Variants in MARCHF7 observed in about 807,000 individuals in gnomAD.
MARCHF7 encodes E3 ubiquitin-protein ligase MARCHF7.
MARCHF7 carries 20 observed loss-of-function variants against 76.5 expected under a neutral mutation model. That is an observed-to-expected ratio of 0.26 (90% CI 0.18 to 0.38). The LOEUF is 0.38. Ranked by LOEUF, MARCHF7 falls within the 10% of genes least tolerant of loss-of-function variation. MARCHF7 has a pLI of 1.00. For synonymous variants in MARCHF7, 295 were observed against 293.0 expected (o/e 1.01, Z -0.07); for missense variants, 797 against 812.9 (o/e 0.98, Z 0.24).
At chr2:159,761,473 G>A (rs552473881) in intron 9 of MARCHF7, among the ~76,000 whole-genome samples, 1 of 125,058 alleles carries the variant, frequency 8.0e-6, no homozygotes, top group African/African-American at 3.2e-5. Flanking sequence ...GGAGTGCAAT[G>A]GCATGATCTC....
intron 4 of MARCHF7, among the ~76,000 whole-genome samples, chr2:159,740,758 G>A (rs756673869): frequency 3.3e-5 from 5 of 152,150 alleles, no homozygotes; most frequent in South Asian, 2.1e-4. Context: ...AAGGATGGGC[G>A]AATTCCTGAT....
At chr2:159,733,236 AT>A in intron 4 of MARCHF7, 5 of 869,844 alleles carry the variant, frequency 5.7e-6, no homozygotes, top group Non-Finnish European at 6.9e-6. Context: ...CAAAGGGAGC[AT>A]TTTAAAATTA....
intron 3 of MARCHF7, among the ~76,000 whole-genome samples, chr2:159,716,489 A>G (rs906023966): frequency 4.6e-5 from 7 of 152,064 alleles, no homozygotes; most frequent in Non-Finnish European, 7.4e-5. Context: ...TCTACTAAAA[A>G]AAATACAACA....
At chr2:159,721,355 GT>G (rs1427398921) in intron 3 of MARCHF7, among the ~76,000 whole-genome samples, 1 of 152,140 alleles carries the variant, frequency 6.6e-6, no homozygotes, top group Non-Finnish European at 1.5e-5. Flanking sequence ...AAGCCCACAG[GT>G]TTGTGAGATA....
Position 159,729,445 on chromosome 2 carries a change from C to T in MARCHF7, c.153+270C>T, listed in dbSNP as rs563099421. On this transcript the variant is annotated intron_variant, in intron 4 of 11. Coordinates refer to ENST00000409175, the MANE Select transcript of MARCHF7 (RefSeq NM_001282805.2). ...CAGCACTTTGGCAGGCTGAGACTGG[C>T]AGATCATTTGAGGTCAGGAGTTCGA... is the stretch of plus-strand genomic sequence containing the variant. Among the ~76,000 whole-genome samples, 6 of 152,220 alleles carry T rather than the reference C, an allele frequency of 3.9e-5. 1 individual carries two copies. In the East Asian group the frequency reaches 1.2e-3, roughly 29 times the overall value.
chr2:159,744,092 A>G (rs1333420063), intron 5 of MARCHF7, among the ~76,000 whole-genome samples: 3 of 135,170 alleles, frequency 2.2e-5, no homozygotes, highest in Non-Finnish European at 4.6e-5. Context: ...GGTTCACGCC[A>G]TTCTCCTGCC....
At position 159,767,873 on chromosome 2, in the gene MARCHF7, G is replaced by A. The variant is rs1270449073; in HGVS notation, c.*531G>A. Reference sequence around the variant, plus strand: ...GAATGGGGAGAAGGTTATGAGAAGAGCATTATTAAGTTTCCAAATTTAATT... The same window carrying A: ...GAATGGGGAGAAGGTTATGAGAAGAACATTATTAAGTTTCCAAATTTAATT... On this transcript the variant is annotated 3_prime_UTR_variant, in exon 12 of 12. Coordinates refer to ENST00000409175, the MANE Select transcript of MARCHF7 (RefSeq NM_001282805.2). 1 of 152,352 alleles carries A rather than the reference G, an allele frequency of 6.6e-6. No homozygotes were observed. The highest frequency in any genetic ancestry group is 1.5e-5 in the Non-Finnish European group (1 of 67,946). The allele number at this position is 152,352 out of a possible 1,614,324, so 9.4% of individuals were successfully genotyped here. A position where few individuals can be genotyped will look rare whatever the true frequency, so the allele number is the denominator to read the frequency against.
At chr2:159,739,970 A>G (rs982493562) in intron 4 of MARCHF7, among the ~76,000 whole-genome samples, 2 of 152,330 alleles carry the variant, frequency 1.3e-5, no homozygotes, top group Non-Finnish European at 2.9e-5. Flanking sequence ...GAAATTCATT[A>G]TCTAAATCTG....
At chr2:159,723,056 C>T (rs1264205628) in intron 3 of MARCHF7, among the ~76,000 whole-genome samples, 2 of 152,164 alleles carry the variant, frequency 1.3e-5, no homozygotes, top group African/African-American at 2.4e-5. Flanking sequence ...CCCAAAAATC[C>T]TCTGATTGCA....
intron 3 of MARCHF7, among the ~76,000 whole-genome samples, chr2:159,722,079 A>G (rs186438447): frequency 1.3e-3 from 200 of 152,326 alleles, no homozygotes; most frequent in African/African-American, 4.6e-3. Context: ...GTCTTGGTTT[A>G]AAACATTAAG....
intron 8 of MARCHF7, among the ~76,000 whole-genome samples, chr2:159,756,467 AC>A (rs1215577736): frequency 6.6e-6 from 1 of 151,890 alleles, no homozygotes; most frequent in Non-Finnish European, 1.5e-5. Flanking sequence ...CAGGTGGAGC[AC>A]CTGAGGTCAG....
chr2:159,769,434 G>C lies in MARCHF7; in HGVS notation c.*2092G>C, dbSNP rs1708061379. On this transcript the variant is annotated 3_prime_UTR_variant, in exon 12 of 12. Coordinates refer to ENST00000409175, the MANE Select transcript of MARCHF7 (RefSeq NM_001282805.2). Reference sequence around the variant, plus strand: ...AAGGTGGGTGGATCACTTGAGGTCAGGAGTTTGAGACCAGCCCAGTCAATA... The same window carrying C: ...AAGGTGGGTGGATCACTTGAGGTCACGAGTTTGAGACCAGCCCAGTCAATA... 1 of 152,240 alleles carries C rather than the reference G, an allele frequency of 6.6e-6. No homozygotes were observed. Among genetic ancestry groups the C allele is most frequent in the Non-Finnish European group, 1.5e-5 (1 of 68,078 alleles). 9.4% of individuals were successfully genotyped at this position (152,240 alleles called of 1,614,324 possible).
Position 159,743,194 on chromosome 2 carries a change from G to T in MARCHF7, c.287G>T (p.Cys96Phe), listed in dbSNP as rs1330855967. The change falls in exon 5 of 12, where the codon TGT becomes TTT. Residue 96 changes from cysteine to phenylalanine, a missense_variant. Cys to Phe is a radical substitution (Grantham distance 205, BLOSUM62 -2). Around this residue, in one of 3 missense-constraint regions of MARCHF7, gnomAD observed 643 missense variants for 631.5 expected, o/e 1.02. Coordinates refer to ENST00000409175, the MANE Select transcript of MARCHF7 (RefSeq NM_001282805.2). ...GATTCAAAAAGACCTAAACTTTCCTGTACAAACTGTACTACCTCAGCTGGG... is the reference window on the plus strand; with the variant it reads ...GATTCAAAAAGACCTAAACTTTCCTTTACAAACTGTACTACCTCAGCTGGG... ...DHDSKRPKLSCTNCTTSAGRN... is the reference protein window; with the variant it reads ...DHDSKRPKLSFTNCTTSAGRN... 1 of 1,614,072 alleles carries T rather than the reference G, an allele frequency of 6.2e-7. No homozygotes were observed. Among genetic ancestry groups the T allele is most frequent in the African/African-American group, 1.3e-5 (1 of 74,918 alleles).
intron 1 of MARCHF7, among the ~76,000 whole-genome samples, chr2:159,712,837 T>G: frequency 6.6e-6 from 1 of 152,226 alleles, no homozygotes; most frequent in East Asian, 1.9e-4. Flanking sequence ...AGCGCAGGCC[T>G]CCCTTGCCAG....
chr2:159,726,677 A>G (rs760702089), intron 3 of MARCHF7, among the ~76,000 whole-genome samples: 3 of 152,160 alleles, frequency 2.0e-5, no homozygotes, highest in African/African-American at 7.2e-5. Flanking sequence ...CATCTTAACC[A>G]TGTTTGTGTA....
intron 4 of MARCHF7, among the ~76,000 whole-genome samples, chr2:159,738,702 G>A (rs891427658): frequency 1.3e-5 from 2 of 152,202 alleles, no homozygotes; most frequent in Non-Finnish European, 2.9e-5. Flanking sequence ...GGAAGTGCAT[G>A]CTGATTGGTC....
chr2:159,760,708 C>CT (rs34933843), intron 9 of MARCHF7, among the ~76,000 whole-genome samples: 61,348 of 147,178 alleles, frequency 0.42, 12,831 homozygotes, highest in South Asian at 0.53. Flanking sequence ...CAGTTTTTTC[C>CT]TTTTTTGTTT....
At position 159,724,354 on chromosome 2, in the gene MARCHF7, T is replaced by A. The variant is rs190108488; in HGVS notation, c.-14-4655T>A. Among the ~76,000 whole-genome samples the A allele has an allele frequency of 3.5e-3, 534 of 152,306 alleles. 4 individuals are homozygous for A. The highest frequency in any genetic ancestry group is 0.012 in the African/African-American group (495 of 41,566). On this transcript the variant is annotated intron_variant, in intron 3 of 11. Coordinates refer to ENST00000409175, the MANE Select transcript of MARCHF7 (RefSeq NM_001282805.2). ...CAAGATGGTATATTGTGCTTAGTGT[T>A]GGTCTTTTTTCTTTGATGCTCTTAT... is the stretch of plus-strand genomic sequence containing the variant.
chr2:159,764,255 T>TGTGTGCGCGC (rs10592175), intron 10 of MARCHF7, among the ~76,000 whole-genome samples: 239 of 131,466 alleles, frequency 1.8e-3, no homozygotes, highest in East Asian at 9.4e-3. Flanking sequence ...TGTGTGTGTG[T>TGTGTGCGCGC]GCGCGCGCCC....
Sources: gnomAD v4.1 joint callset for allele counts (sites outside exome capture counted in the v4.1 genomes callset) on GRCh38, gnomAD v4.1.1 for gene constraint, gnomAD v4.1.1 regional missense constraint, MANE v1.5 for transcripts, NCBI Gene and HGNC (gene_info 2026-07-23, HGNC 2026-07-21) for gene names.